DTD1: variants seen among roughly 807,000 people sequenced by gnomAD.
DTD1 encodes D-tyrosyl-tRNA deacylase 1 homolog.
In DTD1, 13 loss-of-function variants were observed where a neutral mutation model predicts 25.6. The observed-to-expected ratio is 0.51, with a 90% CI of 0.33 to 0.81. DTD1 has a LOEUF of 0.81. DTD1 is among the 30% of genes least tolerant of loss of function. The probability of loss-of-function intolerance (pLI) is 0.02; values close to 1 mark genes in which losing one functional copy is unlikely to be tolerated. For missense variants in DTD1, 193 were observed against 266.4 expected (o/e 0.72, Z 1.92); for synonymous variants, 110 against 103.6 (o/e 1.06, Z -0.37).
chr20:18,606,578 C>T (rs1264014488), intron 3 of DTD1, among the ~76,000 whole-genome samples: 1 of 104,892 alleles, frequency 9.5e-6, no homozygotes, highest in Non-Finnish European at 2.1e-5. Context: ...CACATATATA[C>T]CATGGAATAC....
chr20:18,608,265 C>G (rs1270025390), intron 3 of DTD1, among the ~76,000 whole-genome samples: 1 of 146,950 alleles, frequency 6.8e-6, no homozygotes, highest in Admixed American at 6.8e-5. Flanking sequence ...TTTTTTTTTT[C>G]TTAGTTATCC....
At chr20:18,613,556 C>G (rs2060696801) in intron 3 of DTD1, among the ~76,000 whole-genome samples, 1 of 152,214 alleles carries the variant, frequency 6.6e-6, no homozygotes, top group Admixed American at 6.5e-5. Flanking sequence ...TTTATTCCCA[C>G]TAGTCTGGCT....
At chr20:18,683,910 T>G (rs866119548) in intron 4 of DTD1, among the ~76,000 whole-genome samples, 1 of 152,248 alleles carries the variant, frequency 6.6e-6, no homozygotes, top group South Asian at 2.1e-4. Flanking sequence ...AGCCCTGACC[T>G]CTTGTAACTA....
At chr20:18,621,681 A>G (rs1245019097) in intron 3 of DTD1, among the ~76,000 whole-genome samples, 1 of 152,196 alleles carries the variant, frequency 6.6e-6, no homozygotes, top group Non-Finnish European at 1.5e-5. Context: ...TGATCTGTGT[A>G]TGCTAAAATG....
At chr20:18,711,515 CT>C (rs377715593) in intron 4 of DTD1, among the ~76,000 whole-genome samples, 92 of 146,974 alleles carry the variant, frequency 6.3e-4, no homozygotes, top group Middle Eastern at 3.5e-3. Flanking sequence ...TAGGCTTGTC[CT>C]TTTTTTTTTT....
chr20:18,723,355 T>G (rs771264072), intron 4 of DTD1, among the ~76,000 whole-genome samples: 4 of 152,226 alleles, frequency 2.6e-5, no homozygotes, highest in African/African-American at 4.8e-5. Flanking sequence ...TGGCTATTAT[T>G]GTCCCTGCTA....
Position 18,603,402 on chromosome 20 carries a change from C to T in DTD1, c.370+7161C>T, listed in dbSNP as rs375408540. ...TCAACAAGGATACCCAGGAATTGAA[C>T]TCAGCTCTGCACCAAGCAGACCTAA... On this transcript the variant is annotated intron_variant, in intron 3 of 5. Transcript: ENST00000377452. Among the ~76,000 whole-genome samples the T allele has an allele frequency of 2.9e-3, 208 of 71,472 alleles. 2 individuals are homozygous for T. Among genetic ancestry groups the T allele is most frequent in the Middle Eastern group, 6.3e-3 (1 of 160 alleles). 46.9% of individuals were successfully genotyped at this position (71,472 alleles called of 152,430 possible).
At chr20:18,650,570 A>G (rs1168520560) in intron 4 of DTD1, among the ~76,000 whole-genome samples, 7 of 152,156 alleles carry the variant, frequency 4.6e-5, no homozygotes, top group East Asian at 1.9e-4. Context: ...CCTTTGTCAG[A>G]CTTATCTTTT....
At chr20:18,645,920 C>CT (rs2060848455) in intron 4 of DTD1, among the ~76,000 whole-genome samples, 6 of 152,216 alleles carry the variant, frequency 3.9e-5, no homozygotes, top group Non-Finnish European at 7.3e-5. Flanking sequence ...GTTTAAGATT[C>CT]TGGGCATAGT....
chr20:18,628,476 C>G (rs1269627850), intron 4 of DTD1, among the ~76,000 whole-genome samples: 1 of 152,202 alleles, frequency 6.6e-6, no homozygotes, highest in Non-Finnish European at 1.5e-5. Flanking sequence ...TGTGCAGAGC[C>G]AGGTTCTTCC....
At chr20:18,702,744 C>A (rs1055647227) in intron 4 of DTD1, among the ~76,000 whole-genome samples, 726 of 122,818 alleles carry the variant, frequency 5.9e-3, no homozygotes, top group East Asian at 9.7e-3. Flanking sequence ...TGGAATGAGG[C>A]AAAAAAAAAA....
At chr20:18,742,740 A>C (rs927109365) in intron 4 of DTD1, among the ~76,000 whole-genome samples, 7 of 152,108 alleles carry the variant, frequency 4.6e-5, no homozygotes, top group African/African-American at 1.7e-4. Context: ...AATAAATTTG[A>C]TTTCCTGGAC....
rs118030406 is a variant in DTD1, at chr20:18,723,688, T to C, written c.478-20412T>C. Among the ~76,000 whole-genome samples the C allele has an allele frequency of 9.7e-3, 1,478 of 152,304 alleles. 13 individuals are homozygous for C. The highest frequency in any genetic ancestry group is 0.015 in the Non-Finnish European group (1,004 of 68,018). On this transcript the variant is annotated intron_variant, in intron 4 of 5. Transcript: ENST00000377452. ...GAGAATTATTTAATAACACAAGAGATTGTTACAGGTGAATTTACATACCTC... is the reference window on the plus strand; with the variant it reads ...GAGAATTATTTAATAACACAAGAGACTGTTACAGGTGAATTTACATACCTC...
intron 5 of DTD1, among the ~76,000 whole-genome samples, chr20:18,755,490 G>A (rs1361256961): frequency 6.6e-6 from 1 of 151,940 alleles, no homozygotes; most frequent in Non-Finnish European, 1.5e-5. Context: ...TCATTGTTCA[G>A]TTCCCACCTA....
intron 3 of DTD1, among the ~76,000 whole-genome samples, chr20:18,614,053 G>A (rs550836697): frequency 3.9e-5 from 6 of 152,266 alleles, no homozygotes; most frequent in African/African-American, 1.4e-4. Flanking sequence ...TGGTCTGCCC[G>A]CCTTGGCCTC....
intron 4 of DTD1, among the ~76,000 whole-genome samples, chr20:18,702,652 A>G (rs768459372): frequency 2.1e-4 from 31 of 150,808 alleles, no homozygotes; most frequent in Non-Finnish European, 4.0e-4. Flanking sequence ...AGGCAGGGAT[A>G]CTGAAGAGAA....
chr20:18,596,498 T>TA (rs1307322277), intron 3 of DTD1, among the ~76,000 whole-genome samples: 2 of 152,100 alleles, frequency 1.3e-5, no homozygotes, highest in Non-Finnish European at 2.9e-5. Flanking sequence ...GAGGTGTGGC[T>TA]AATACAGTGG....
intron 4 of DTD1, among the ~76,000 whole-genome samples, chr20:18,722,300 T>C (rs1449400722): frequency 6.6e-6 from 1 of 152,208 alleles, no homozygotes; most frequent in East Asian, 1.9e-4. Flanking sequence ...CTCAGCATTG[T>C]GCACAATCCT....
chr20:18,643,388 C>A, intron 4 of DTD1: 1 of 231,430 alleles, frequency 4.3e-6, no homozygotes, highest in Non-Finnish European at 9.1e-6. Context: ...TCTAAAGTCT[C>A]AGGTCTGATC....
Sources: allele counts gnomAD v4.1 joint callset (sites outside exome capture counted in the v4.1 genomes callset), GRCh38; gene constraint gnomAD v4.1.1; transcripts MANE v1.5; gene names NCBI Gene and HGNC (gene_info 2026-07-23, HGNC 2026-07-21).